DOCK3: variants seen among roughly 807,000 people sequenced by gnomAD.
DOCK3 encodes the protein dedicator of cytokinesis 3.
DOCK3 carries 60 observed loss-of-function variants against 265.6 expected under a neutral mutation model. The observed-to-expected ratio is 0.23, with a 90% confidence interval of 0.18 to 0.28. DOCK3 has a LOEUF of 0.28. Among genes scored for constraint, DOCK3 ranks in the 10% least tolerant of loss-of-function variants. The pLI is 1.00. For synonymous variants in DOCK3, 881 were observed against 938.0 expected (o/e 0.94, Z 1.11); for missense variants, 1,981 against 2,594.3 (o/e 0.76, Z 5.14).
intron 5 of DOCK3, among the ~76,000 whole-genome samples, chr3:51,032,763 T>C (rs2080104600): frequency 6.6e-6 from 1 of 151,920 alleles, no homozygotes. Flanking sequence ...AAACAAAAAT[T>C]AGCCAGGCAT....
chr3:50,978,940 A>C (rs1234248473), intron 5 of DOCK3, among the ~76,000 whole-genome samples: 3 of 152,144 alleles, frequency 2.0e-5, no homozygotes, highest in Non-Finnish European at 2.9e-5. Flanking sequence ...TTCTTTGACT[A>C]GGAAAGGGAA....
At chr3:50,959,139 AAATACAGTAATAT>A (rs1196234499) in intron 5 of DOCK3, among the ~76,000 whole-genome samples, 3 of 152,296 alleles carry the variant, frequency 2.0e-5, no homozygotes, top group Non-Finnish European at 4.4e-5. Flanking sequence ...CATTTCATCT[AAATACAGTAATAT>A]ACTGTGCAGA....
chr3:51,066,105 C>T (rs4263323), intron 6 of DOCK3, among the ~76,000 whole-genome samples: 137,156 of 152,186 alleles, frequency 0.9, 61,996 homozygotes, highest in African/African-American at 0.95. Flanking sequence ...TTATGTAATC[C>T]CTAGGAAAAT....
At chr3:51,256,366 G>A (rs1259709500) in intron 22 of DOCK3, among the ~76,000 whole-genome samples, 1 of 152,168 alleles carries the variant, frequency 6.6e-6, no homozygotes, top group East Asian at 1.9e-4. Flanking sequence ...TGCCTCCTGG[G>A]TTTAAGTGAT....
chr3:50,697,546 G>C (rs377737801), intron 1 of DOCK3, among the ~76,000 whole-genome samples: 1 of 152,146 alleles, frequency 6.6e-6, no homozygotes, highest in Non-Finnish European at 1.5e-5. Context: ...AGCCGAGATC[G>C]TGCCACTGCA....
At chr3:50,906,642 G>T (rs994262354) in intron 4 of DOCK3, among the ~76,000 whole-genome samples, 5 of 151,750 alleles carry the variant, frequency 3.3e-5, no homozygotes, top group Non-Finnish European at 7.4e-5. Flanking sequence ...CATCTATTTG[G>T]TTATTCTCTC....
intron 12 of DOCK3, among the ~76,000 whole-genome samples, chr3:51,199,146 G>T (rs1035792954): frequency 1.3e-5 from 2 of 152,196 alleles, no homozygotes; most frequent in Non-Finnish European, 2.9e-5. Flanking sequence ...TCCATCTGAG[G>T]TACCGGGTTC....
rs752186426 is a variant in DOCK3 at position 51,277,727 on chromosome 3, G to T, written c.2796G>T (p.Arg932=). 5 of 1,611,722 alleles carry T rather than the reference G, an allele frequency of 3.1e-6. No individual in the cohort carries two copies. The African/African-American group carries it at 5.3e-5, about 17-fold the overall frequency. ...SHAQEAVRGQ[R]CPQCTAEITG... is the part of the protein sequence containing the mutation. The stretch of plus-strand genomic sequence containing the variant: ...CTCAGGAGGCGGTAAGAGGGCAGCG[G>T]TGCCCGCAGTGCACAGCCGAGATCA... The change falls in exon 26 of 53, where the codon CGG becomes CGT. Residue 932 remains arginine, a synonymous_variant. Coordinates refer to ENST00000266037, the MANE Select transcript of DOCK3 (RefSeq NM_004947.5).
intron 27 of DOCK3, among the ~76,000 whole-genome samples, chr3:51,294,591 T>C (rs1171611426): frequency 1.3e-5 from 2 of 149,656 alleles, no homozygotes; most frequent in Admixed American, 1.4e-4. Flanking sequence ...GGCAGGAAGA[T>C]GGCGTGAACC....
intron 5 of DOCK3, among the ~76,000 whole-genome samples, chr3:51,062,666 C>T (rs968839226): frequency 6.6e-6 from 1 of 152,184 alleles, no homozygotes; most frequent in Non-Finnish European, 1.5e-5. Flanking sequence ...AGTGTTAGTA[C>T]TCAAGAGGTG....
intron 2 of DOCK3, among the ~76,000 whole-genome samples, chr3:50,785,532 AT>A (rs2042136642): frequency 6.6e-6 from 1 of 152,038 alleles, no homozygotes; most frequent in Non-Finnish European, 1.5e-5. Flanking sequence ...AGGATGCTGG[AT>A]TTTGTCAAAT....
Position 51,318,463 on chromosome 3 carries a change from T to C in DOCK3, c.3402+3335T>C, listed in dbSNP as rs138063381. On this transcript the variant is annotated intron_variant, in intron 32 of 52. Transcript: ENST00000266037. Reference sequence around the variant, plus strand: ...GTATATCTTTCCATTTATTTAGGTGTTCTTTTATTTCTTTCATCAGTGTTT... The same window carrying C: ...GTATATCTTTCCATTTATTTAGGTGCTCTTTTATTTCTTTCATCAGTGTTT... 8.7e-4 allele frequency among the ~76,000 whole-genome samples: 133 copies of C among 152,298 alleles called. 3 individuals are homozygous for C. The East Asian group carries it at 0.023, about 27-fold the overall frequency.
rs1263055751 is a variant in DOCK3, at chr3:50,975,841, A to G, written c.315+41764A>G. Among the ~76,000 whole-genome samples, 6 of 151,196 alleles carry G rather than the reference A, an allele frequency of 4.0e-5. No homozygotes were observed. The South Asian group carries it at 8.5e-4, about 21-fold the overall frequency. ...CAGATCCTGTTATTGGTCTATTCAG[A>G]GATTCAACTTCTTCCTGGTTTAGTC... On this transcript the variant is annotated intron_variant, in intron 5 of 52. Transcript: ENST00000266037.
At chr3:50,757,871 C>G (rs1326051557) in intron 1 of DOCK3, among the ~76,000 whole-genome samples, 2 of 151,986 alleles carry the variant, frequency 1.3e-5, no homozygotes, top group Non-Finnish European at 2.9e-5. Flanking sequence ...TGTCTTGGCA[C>G]CTTTATTGAA....
chr3:51,241,787 T>C (rs1288382421), intron 21 of DOCK3, among the ~76,000 whole-genome samples: 1 of 152,244 alleles, frequency 6.6e-6, no homozygotes, highest in African/African-American at 2.4e-5. Flanking sequence ...AGTTACATTC[T>C]TTTCTATACT....
chr3:51,282,256 A>G (rs2109015737), intron 27 of DOCK3, among the ~76,000 whole-genome samples: 1 of 152,360 alleles, frequency 6.6e-6, no homozygotes, highest in South Asian at 2.1e-4. Flanking sequence ...TAATTATGCC[A>G]TAAAATTCAT....
At chr3:50,764,807 A>T (rs1019584144) in intron 1 of DOCK3, among the ~76,000 whole-genome samples, 1 of 152,118 alleles carries the variant, frequency 6.6e-6, no homozygotes, top group Non-Finnish European at 1.5e-5. Context: ...ATGTTAAAAG[A>T]GTTAGTGTAT....
chr3:51,053,113 A>ATATATG (rs1187542228), intron 5 of DOCK3, among the ~76,000 whole-genome samples: 6 of 125,720 alleles, frequency 4.8e-5, no homozygotes, highest in African/African-American at 1.7e-4. Flanking sequence ...ATATATATAT[A>ATATATG]TATATATATG....
At chr3:51,326,910 C>T (rs1173716916) in intron 32 of DOCK3, among the ~76,000 whole-genome samples, 1 of 152,078 alleles carries the variant, frequency 6.6e-6, no homozygotes, top group Non-Finnish European at 1.5e-5. Flanking sequence ...CAGGCATGAC[C>T]CACCTCTCCC....
Sources: gnomAD v4.1 joint callset for allele counts (sites outside exome capture counted in the v4.1 genomes callset) on GRCh38, gnomAD v4.1.1 for gene constraint, MANE v1.5 for transcripts, NCBI Gene and HGNC (gene_info 2026-07-23, HGNC 2026-07-21) for gene names.